The following CNTNAP4 variants were observed in gnomAD, a reference collection of about 807,000 sequenced individuals.
CNTNAP4 encodes contactin associated protein family member 4, also known as contactin-associated protein-like 4.
A neutral mutation model predicts 148.4 loss-of-function variants in CNTNAP4; 98 were observed. The observed-to-expected ratio is 0.66, with a 90% confidence interval of 0.56 to 0.78. The LOEUF is 0.78. Among genes scored for constraint, CNTNAP4 ranks in the 30% least tolerant of loss-of-function variants. The pLI is 0.00. For missense variants in CNTNAP4, 1,935 were observed against 1,565.6 expected (o/e 1.24, Z -3.98); for synonymous variants, 730 against 565.1 (o/e 1.29, Z -4.14).
intron 10 of CNTNAP4, among the ~76,000 whole-genome samples, chr16:76,468,780 T>C (rs2081265434): frequency 6.6e-6 from 1 of 152,138 alleles, no homozygotes; most frequent in Non-Finnish European, 1.5e-5. Context: ...TTAATAGTAA[T>C]AATTGAAACC....
In CNTNAP4 at chr16:76,379,078, C is replaced by T. The variant is rs530263143; in HGVS notation, c.390+23567C>T. On this transcript the variant is annotated intron_variant, in intron 3 of 23. Coordinates refer to ENST00000611870, the MANE Select transcript of CNTNAP4 (RefSeq NM_033401.5). ...GTTCATGTGACCTTTAGGGTTACCC[C>T]GGACTCAAAGATCCATGCTCATGGG... 1.2e-4 allele frequency among the ~76,000 whole-genome samples: 19 copies of T among 152,240 alleles called. No homozygotes were observed. The East Asian group carries it at 2.5e-3, about 20-fold the overall frequency.
chr16:76,497,048 T>C (rs796492427), intron 14 of CNTNAP4, among the ~76,000 whole-genome samples: 2 of 152,278 alleles, frequency 1.3e-5, no homozygotes, highest in African/African-American at 4.8e-5. Flanking sequence ...CTAATAGAAA[T>C]TCTTCAGGCT....
At chr16:76,545,089 A>T (rs1415839854) in intron 21 of CNTNAP4, among the ~76,000 whole-genome samples, 2 of 152,256 alleles carry the variant, frequency 1.3e-5, no homozygotes, top group African/African-American at 4.8e-5. Flanking sequence ...TGGTTATTTT[A>T]AAAGCATGTT....
At chr16:76,536,096 T>C (rs1026628654) in intron 18 of CNTNAP4, among the ~76,000 whole-genome samples, 2 of 152,204 alleles carry the variant, frequency 1.3e-5, no homozygotes, top group African/African-American at 4.8e-5. Flanking sequence ...CTCAATCTGC[T>C]TTTTTCTACC....
chr16:76,312,240 G>A (rs192415059), intron 1 of CNTNAP4, among the ~76,000 whole-genome samples: 56 of 152,282 alleles, frequency 3.7e-4, no homozygotes, highest in African/African-American at 1.2e-3. Flanking sequence ...CCCAGTAGAT[G>A]CCAGAAGTAT....
chr16:76,375,726 G>C (rs901362936), intron 3 of CNTNAP4, among the ~76,000 whole-genome samples: 4 of 152,192 alleles, frequency 2.6e-5, no homozygotes, highest in Non-Finnish European at 5.9e-5. Context: ...CTCATTTTCT[G>C]CAGGGAAGTT....
chr16:76,503,842 C>G (rs1268459057), intron 15 of CNTNAP4, among the ~76,000 whole-genome samples: 1 of 151,870 alleles, frequency 6.6e-6, no homozygotes, highest in African/African-American at 2.4e-5. Flanking sequence ...AATTGTATTT[C>G]TATATGCTAA....
intron 1 of CNTNAP4, among the ~76,000 whole-genome samples, chr16:76,295,896 C>T (rs1959240063): frequency 6.6e-6 from 1 of 152,160 alleles, no homozygotes; most frequent in African/African-American, 2.4e-5. Context: ...CAGCTCACTG[C>T]AGCCTCTGCC....
intron 2 of CNTNAP4, among the ~76,000 whole-genome samples, chr16:76,317,669 C>T (rs1961941288): frequency 6.6e-6 from 1 of 152,016 alleles, no homozygotes; most frequent in African/African-American, 2.4e-5. Context: ...GTGCTTAATG[C>T]TTGAGCACAC....
chr16:76,530,398 G>A (rs923442193), intron 17 of CNTNAP4, among the ~76,000 whole-genome samples: 3 of 152,032 alleles, frequency 2.0e-5, no homozygotes, highest in African/African-American at 4.8e-5. Context: ...AAGACGCCCC[G>A]AGTGTACTTT....
intron 4 of CNTNAP4, among the ~76,000 whole-genome samples, chr16:76,440,693 C>A (rs573844284): frequency 6.6e-6 from 1 of 152,086 alleles, no homozygotes; most frequent in African/African-American, 2.4e-5. Context: ...TCCAGAGATT[C>A]TAATTTGGTG....
intron 4 of CNTNAP4, among the ~76,000 whole-genome samples, 177 bp downstream of exon 4, chr16:76,427,776 A>C (rs905491322): frequency 1.3e-5 from 2 of 152,220 alleles, no homozygotes; most frequent in Non-Finnish European, 2.9e-5. Context: ...TTTCATGTTC[A>C]ACTTTAACAT....
In CNTNAP4 at chr16:76,443,284, A is replaced by G. The variant is rs1436731845; in HGVS notation, c.539-4728A>G. On this transcript the variant is annotated intron_variant, in intron 4 of 23. Coordinates refer to ENST00000611870, the MANE Select transcript of CNTNAP4 (RefSeq NM_033401.5). ...AGACTGTAGGCCTTTTACTGTTACAAATTTTGTTAACTTCAGATTTCACAT... is the reference window on the plus strand; with the variant it reads ...AGACTGTAGGCCTTTTACTGTTACAGATTTTGTTAACTTCAGATTTCACAT... Among the ~76,000 whole-genome samples the G allele has an allele frequency of 2.0e-5, 3 of 152,254 alleles. No homozygotes were observed. In the East Asian group the frequency reaches 5.8e-4, roughly 29 times the overall value.
At position 76,393,272 on chromosome 16, in the gene CNTNAP4, G is replaced by A. The variant is rs573121061; in HGVS notation, c.391-34180G>A. Among the ~76,000 whole-genome samples the A allele has an allele frequency of 3.3e-5, 5 of 152,298 alleles. No individual in the cohort carries two copies. In the South Asian group the frequency reaches 1.0e-3, roughly 32 times the overall value. ...TCCTATATAGGAAATGTGATGAATT[G>A]ATTAGTGAAATTCAGATGTGGCATT... is the stretch of plus-strand genomic sequence containing the variant. On this transcript the variant is annotated intron_variant, in intron 3 of 23. Transcript: ENST00000611870.
At chr16:76,320,491 G>T (rs1190569366) in intron 2 of CNTNAP4, among the ~76,000 whole-genome samples, 1 of 152,192 alleles carries the variant, frequency 6.6e-6, no homozygotes, top group African/African-American at 2.4e-5. Flanking sequence ...GACAGATTTT[G>T]CTAAAGAGAT....
rs77006372 is a variant in CNTNAP4 at position 76,415,402 on chromosome 16, A to G, written c.391-12050A>G. 1.2e-3 allele frequency among the ~76,000 whole-genome samples: 185 copies of G among 151,308 alleles called. No individual in the cohort carries two copies. In the East Asian group the frequency reaches 0.018, roughly 15 times the overall value. On this transcript the variant is annotated intron_variant, in intron 3 of 23. Transcript: ENST00000611870. ...TCTAACATAATTTATAAGTTCTGCA[A>G]TATCATAAAATAATCATAGGCTATT...
At chr16:76,316,590 A>G (rs1415286318) in intron 2 of CNTNAP4, 67 bp downstream of exon 2, 1 of 1,017,410 alleles carries the variant, frequency 9.8e-7, no homozygotes, top group Non-Finnish European at 1.5e-6. Context: ...ATCTTTGCAT[A>G]CAGTCATTAT....
chr16:76,346,755 C>G (rs1964934683), intron 2 of CNTNAP4, among the ~76,000 whole-genome samples: 1 of 152,162 alleles, frequency 6.6e-6, no homozygotes, highest in African/African-American at 2.4e-5. Context: ...TAACTTTATT[C>G]TAGTCTTCCA....
intron 4 of CNTNAP4, among the ~76,000 whole-genome samples, chr16:76,430,415 A>C (rs185003575): frequency 2.0e-4 from 31 of 152,266 alleles, no homozygotes; most frequent in African/African-American, 7.2e-4. Flanking sequence ...TGTAGTTGCT[A>C]TCATCACAAG....
Sources: allele counts gnomAD v4.1 joint callset (sites outside exome capture counted in the v4.1 genomes callset), GRCh38; gene constraint gnomAD v4.1.1; transcripts MANE v1.5; gene names NCBI Gene and HGNC (gene_info 2026-07-23, HGNC 2026-07-21).